Variants in FGF12 observed in about 807,000 individuals in gnomAD.
The protein encoded by FGF12 is fibroblast growth factor 12.
Under a neutral mutation model 23.6 loss-of-function variants are expected in FGF12, and 14 were observed. The ratio of observed to expected loss-of-function variants is 0.59; its 90% CI spans 0.39 to 0.93. The LOEUF (loss-of-function observed/expected upper bound fraction) is 0.93, where lower values mean the gene tolerates loss of function less well. Ranked by LOEUF, FGF12 falls within the 40% of genes least tolerant of loss-of-function variation. The pLI, the probability that FGF12 is intolerant of heterozygous loss-of-function variation, is 0.00. For synonymous variants in FGF12, 62 were observed against 77.3 expected, an observed-to-expected ratio of 0.80 and a Z score of 1.04; for missense variants, 175 against 217.8, an observed-to-expected ratio of 0.80 and a Z score of 1.24.
At chr3:192,158,382 C>CTTTCT (rs1325095002) in intron 5 of FGF12, among the ~76,000 whole-genome samples, 8 of 81,468 alleles carry the variant, frequency 9.8e-5, no homozygotes, top group African/African-American at 4.0e-4. Context: ...TTCTTTCTTT[C>CTTTCT]TTTTCTTTCT....
chr3:192,274,827 T>C (rs990995827), intron 4 of FGF12, among the ~76,000 whole-genome samples: 1 of 152,192 alleles, frequency 6.6e-6, no homozygotes, highest in Non-Finnish European at 1.5e-5. Context: ...GTTTCCTTCA[T>C]ATCAATCACT....
intron 2 of FGF12, among the ~76,000 whole-genome samples, chr3:192,498,683 T>C (rs1724031846): frequency 6.6e-6 from 1 of 152,052 alleles, no homozygotes; most frequent in South Asian, 2.1e-4. Context: ...TTGCTCACCA[T>C]TGACTGAGAA....
At chr3:192,213,646 C>T (rs933316480) in intron 4 of FGF12, among the ~76,000 whole-genome samples, 1 of 152,138 alleles carries the variant, frequency 6.6e-6, no homozygotes, top group South Asian at 2.1e-4. Context: ...TTTTAACTGC[C>T]TCATTTCAGG....
At chr3:192,430,440 A>C (rs1375400755) in intron 2 of FGF12, among the ~76,000 whole-genome samples, 1 of 152,212 alleles carries the variant, frequency 6.6e-6, no homozygotes, top group Non-Finnish European at 1.5e-5. Flanking sequence ...GATCCATTGC[A>C]CAGCGGTGTA....
chr3:192,331,814 C>T (rs1184339599), intron 4 of FGF12, among the ~76,000 whole-genome samples: 1 of 152,010 alleles, frequency 6.6e-6, no homozygotes, highest in African/African-American at 2.4e-5. Context: ...AGAAACTTCT[C>T]ATAATTAACA....
chr3:192,531,804 T>C (rs907402673), intron 2 of FGF12, among the ~76,000 whole-genome samples: 6 of 152,230 alleles, frequency 3.9e-5, no homozygotes, highest in African/African-American at 1.4e-4. Flanking sequence ...TTGAGGAATA[T>C]AAGTAGCTTT....
Position 192,196,445 on chromosome 3 carries a change from T to C in FGF12, c.229-25789A>G, listed in dbSNP as rs114182274. On this transcript the variant is annotated intron_variant, in intron 4 of 5. Coordinates refer to ENST00000445105, the MANE Select transcript of FGF12 (RefSeq NM_004113.6). ...TGCTCTGAAATGTAAAAGATCATTA[T>C]AAACAATAGAGAGGTGAGATGCCAC... is the stretch of plus-strand genomic sequence containing the variant. Among the ~76,000 whole-genome samples the C allele has an allele frequency of 5.4e-3, 821 of 152,246 alleles. 7 individuals carry two copies. Among genetic ancestry groups the C allele is most frequent in the African/African-American group, 0.019 (798 of 41,552 alleles).
At chr3:192,430,234 G>A (rs1721820750) in intron 2 of FGF12, among the ~76,000 whole-genome samples, 1 of 151,930 alleles carries the variant, frequency 6.6e-6, no homozygotes, top group Admixed American at 6.6e-5. Flanking sequence ...TGAACTTGAG[G>A]GCATTATGCC....
chr3:192,714,807 C>T (rs1052804751), intron 2 of FGF12, among the ~76,000 whole-genome samples: 6 of 152,134 alleles, frequency 3.9e-5, no homozygotes, highest in Admixed American at 6.5e-5. Context: ...CGTGAGCCAC[C>T]GCGCCCGGCC....
chr3:192,630,625 T>A (rs1368524514), intron 2 of FGF12, among the ~76,000 whole-genome samples: 11 of 149,888 alleles, frequency 7.3e-5, no homozygotes, highest in African/African-American at 2.7e-4. Flanking sequence ...CGATCTCGGC[T>A]CACTGCAAGC....
intron 5 of FGF12, among the ~76,000 whole-genome samples, chr3:192,156,597 TAAAC>T (rs1481303007): frequency 1.3e-5 from 2 of 152,088 alleles, no homozygotes; most frequent in Admixed American, 6.5e-5. Context: ...GCAAGATAAA[TAAAC>T]AATGTTATTT....
At chr3:192,629,254 C>T (rs1210613654) in intron 2 of FGF12, among the ~76,000 whole-genome samples, 7 of 152,210 alleles carry the variant, frequency 4.6e-5, no homozygotes, top group Non-Finnish European at 1.5e-5. Flanking sequence ...AAGTAACCCA[C>T]TGAACACAGC....
In FGF12 at chr3:192,303,212, C is replaced by T. The variant is rs779522950; in HGVS notation, c.228+32149G>A. ...TGAATATGGTCTGTCAGCCATTACA[C>T]AAATTTAAGTATGGAAAAAAAATGG... On this transcript the variant is annotated intron_variant, in intron 4 of 5. Coordinates refer to ENST00000445105, the MANE Select transcript of FGF12 (RefSeq NM_004113.6). Among the ~76,000 whole-genome samples, 60 of 151,986 alleles carry T rather than the reference C, an allele frequency of 3.9e-4. 1 individual carries two copies. Among genetic ancestry groups the T allele is most frequent in the Non-Finnish European group, 7.4e-4 (50 of 68,004 alleles).
chr3:192,206,718 A>G (rs770466593), intron 4 of FGF12, among the ~76,000 whole-genome samples: 18 of 152,190 alleles, frequency 1.2e-4, no homozygotes, highest in Admixed American at 1.3e-4. Context: ...TGGGGACCCT[A>G]CCTATAAGTT....
intron 4 of FGF12, among the ~76,000 whole-genome samples, chr3:192,320,078 G>C (rs1716454054): frequency 1.3e-5 from 2 of 152,092 alleles, no homozygotes; most frequent in African/African-American, 4.8e-5. Context: ...TTCAAAACTA[G>C]AGCCAATAAT....
At chr3:192,312,244 G>T (rs1715986970) in intron 4 of FGF12, among the ~76,000 whole-genome samples, 2 of 151,934 alleles carry the variant, frequency 1.3e-5, no homozygotes, top group Non-Finnish European at 1.5e-5. Flanking sequence ...TTAATCCAAG[G>T]TCATAAAAGT....
chr3:192,346,981 T>C (rs891945779), intron 3 of FGF12, among the ~76,000 whole-genome samples: 11 of 152,082 alleles, frequency 7.2e-5, no homozygotes, highest in Non-Finnish European at 1.3e-4. Context: ...ACTTTAAAAA[T>C]TGAAGAAAAA....
At chr3:192,324,055 G>A (rs533695843) in intron 4 of FGF12, among the ~76,000 whole-genome samples, 8 of 152,086 alleles carry the variant, frequency 5.3e-5, no homozygotes, top group Non-Finnish European at 8.8e-5. Context: ...TCAAGCCACC[G>A]CATGCCAGCC....
At chr3:192,379,243 C>A (rs560743960) in intron 2 of FGF12, among the ~76,000 whole-genome samples, 69 of 152,052 alleles carry the variant, frequency 4.5e-4, no homozygotes, top group African/African-American at 1.6e-3. Context: ...CCTACATTTC[C>A]CAAATGACTG....
Sources: allele counts gnomAD v4.1 joint callset (sites outside exome capture counted in the v4.1 genomes callset), GRCh38; gene constraint gnomAD v4.1.1; transcripts MANE v1.5; gene names NCBI Gene and HGNC (gene_info 2026-07-23, HGNC 2026-07-21).